Variants in ELAVL2 observed in about 807,000 individuals in gnomAD.
ELAVL2 encodes the protein ELAV-like protein 2.
In ELAVL2, 4 loss-of-function variants were observed where a neutral mutation model predicts 34.6. The ratio of observed to expected loss-of-function variants is 0.12; its 90% CI spans 0.06 to 0.26. The LOEUF is 0.26. Among genes scored for constraint, ELAVL2 ranks in the 10% least tolerant of loss-of-function variants. ELAVL2 has a pLI of 1.00. For synonymous variants in ELAVL2, 193 were observed against 154.8 expected (o/e 1.25, Z -1.83); for missense variants, 432 against 442.8 (o/e 0.98, Z 0.22).
At chr9:23,829,307 A>AT (rs2065426618), upstream of ELAVL2, among the ~76,000 whole-genome samples, 1 of 152,218 alleles carries the variant, frequency 6.6e-6, no homozygotes. Context: ...ACATTTATTC[A>AT]TAAGAATATG....
chr9:23,811,086 A>G (rs765264434), intron 1 of ELAVL2, among the ~76,000 whole-genome samples: 1 of 152,134 alleles, frequency 6.6e-6, no homozygotes, highest in African/African-American at 2.4e-5. Flanking sequence ...ACCAAAACAG[A>G]TGTCTTCACT....
chr9:23,810,880 A>G (rs1250325777), intron 1 of ELAVL2, among the ~76,000 whole-genome samples: 2 of 152,198 alleles, frequency 1.3e-5, no homozygotes, highest in Non-Finnish European at 2.9e-5. Context: ...ACCTTGTGGT[A>G]GTTCACCATC....
Position 23,692,551 on chromosome 9 carries a change from A to C in ELAVL2, c.*6T>G. 6.2e-7 allele frequency: 1 copy of C among 1,607,618 alleles called. No individual in the cohort carries two copies. The highest frequency in any genetic ancestry group is 8.5e-7 in the Non-Finnish European group (1 of 1,175,360). ...CATATATAAATGGACTGAGGACAAG[A>C]GCTCATTAGGCTTTGTGCGTTTTGT... On this transcript the variant is annotated 3_prime_UTR_variant, in exon 7 of 7. Coordinates refer to ENST00000397312, the MANE Select transcript of ELAVL2 (RefSeq NM_004432.5).
intron 2 of ELAVL2, chr9:23,735,517 G>A (rs1008539884): frequency 6.6e-6 from 1 of 152,244 alleles, no homozygotes; most frequent in East Asian, 1.9e-4. Flanking sequence ...GGCTTCAACT[G>A]ATCTGCCAAC....
intron 1 of ELAVL2, among the ~76,000 whole-genome samples, chr9:23,765,474 T>C (rs565837958): frequency 6.6e-6 from 1 of 152,088 alleles, no homozygotes; most frequent in East Asian, 1.9e-4. Context: ...TGAATGAAAT[T>C]TTATAGTGGG....
At chr9:23,710,053 T>G (rs1261013042) in intron 3 of ELAVL2, among the ~76,000 whole-genome samples, 1 of 152,128 alleles carries the variant, frequency 6.6e-6, no homozygotes, top group Non-Finnish European at 1.5e-5. Flanking sequence ...TACAGGTAAG[T>G]AAATGGCCCA....
At chr9:23,798,210 G>A (rs1185479896) in intron 1 of ELAVL2, among the ~76,000 whole-genome samples, 1 of 152,190 alleles carries the variant, frequency 6.6e-6, no homozygotes, top group African/African-American at 2.4e-5. Flanking sequence ...ATTTATCTGA[G>A]GAGACAGTTC....
intron 1 of ELAVL2, among the ~76,000 whole-genome samples, chr9:23,778,325 A>T (rs968521462): frequency 6.6e-6 from 1 of 152,230 alleles, no homozygotes. Context: ...GGGTAGATTT[A>T]GCCTGAAAAC....
intron 5 of ELAVL2, among the ~76,000 whole-genome samples, chr9:23,697,783 T>C (rs527889600): frequency 8.0e-4 from 122 of 152,204 alleles, no homozygotes; most frequent in African/African-American, 2.9e-3. Flanking sequence ...AGGGGAAATG[T>C]GAACCCGATT....
Position 23,799,445 on chromosome 9 carries a change from T to C in ELAVL2, c.-16+26361A>G, listed in dbSNP as rs2061335030. On this transcript the variant is annotated intron_variant, in intron 1 of 6. Transcript: ENST00000397312. ...GGACTAGAACCTAGATGTCCCTCCA[T>C]AAAAAACAAGATTTTGTACTCTTAC... Among the ~76,000 whole-genome samples, 4 of 152,172 alleles carry C rather than the reference T, an allele frequency of 2.6e-5. No individual in the cohort carries two copies. The South Asian group carries it at 8.3e-4, about 32-fold the overall frequency.
At chr9:23,752,857 T>A (rs2052493067) in intron 2 of ELAVL2, among the ~76,000 whole-genome samples, 1 of 152,154 alleles carries the variant, frequency 6.6e-6, no homozygotes, top group African/African-American at 2.4e-5. Context: ...CAATACAGAA[T>A]GATCACCCCT....
At chr9:23,830,953 T>C (rs201757210), upstream of ELAVL2, among the ~76,000 whole-genome samples, 10 of 152,054 alleles carry the variant, frequency 6.6e-5, no homozygotes, top group Admixed American at 2.0e-4. Flanking sequence ...CAGAGACTTA[T>C]GTCCGTTTCT....
chr9:23,717,662 C>CAA (rs1409088657), intron 3 of ELAVL2, among the ~76,000 whole-genome samples: 1 of 152,106 alleles, frequency 6.6e-6, no homozygotes, highest in African/African-American at 2.4e-5. Context: ...ACACAGAGGC[C>CAA]TCTAGACAGC....
At chr9:23,845,250 T>C in the ELAVL2 span, among the ~76,000 whole-genome samples, 1 of 151,850 alleles carries the variant, frequency 6.6e-6, no homozygotes, top group Non-Finnish European at 1.5e-5. Flanking sequence ...TATAATTACA[T>C]ATATTCATTA....
At position 23,757,370 on chromosome 9, in the gene ELAVL2, A is replaced by C. The variant is rs190812648; in HGVS notation, c.229+4636T>G. Among the ~76,000 whole-genome samples the C allele has an allele frequency of 2.6e-5, 4 of 152,180 alleles. No individual in the cohort carries two copies. In the East Asian group the frequency reaches 7.7e-4, roughly 29 times the overall value. On this transcript the variant is annotated intron_variant, in intron 2 of 6. Coordinates refer to ENST00000397312, the MANE Select transcript of ELAVL2 (RefSeq NM_004432.5). ...CAAAGAGGAAACATCCAGGTAAAGC[A>C]TAAGATAATCAGAATTCTGGTCCCT...
At chr9:23,787,791 G>T (rs1319289275) in intron 1 of ELAVL2, among the ~76,000 whole-genome samples, 2 of 152,178 alleles carry the variant, frequency 1.3e-5, no homozygotes, top group African/African-American at 4.8e-5. Flanking sequence ...AAGCAAGGAT[G>T]AGAACCACTG....
intron 2 of ELAVL2, among the ~76,000 whole-genome samples, chr9:23,747,879 C>A (rs1374915887): frequency 6.6e-6 from 1 of 151,908 alleles, no homozygotes; most frequent in Non-Finnish European, 1.5e-5. Flanking sequence ...CTGATGCCAA[C>A]AGAGAAGGCA....
rs563396962 is a variant in ELAVL2, at chr9:23,698,736, C to T, written c.713+2643G>A. On this transcript the variant is annotated intron_variant, in intron 5 of 6. Coordinates refer to ENST00000397312, the MANE Select transcript of ELAVL2 (RefSeq NM_004432.5). ...AAGCCCTTAATTCAAGTTTCTTTAT[C>T]AGGTGAAAGAAGAAGGGGGAGTGGG... Among the ~76,000 whole-genome samples, 8 of 152,246 alleles carry T rather than the reference C, an allele frequency of 5.3e-5. No individual in the cohort carries two copies. In the South Asian group the frequency reaches 1.7e-3, roughly 32 times the overall value.
intron 1 of ELAVL2, among the ~76,000 whole-genome samples, chr9:23,779,555 C>T (rs1466178314): frequency 2.6e-5 from 4 of 151,978 alleles, no homozygotes; most frequent in Admixed American, 6.6e-5. Context: ...TGTAAGGTTT[C>T]AAAATACTGC....
Sources: gnomAD v4.1 joint callset for allele counts (sites outside exome capture counted in the v4.1 genomes callset) on GRCh38, gnomAD v4.1.1 for gene constraint, MANE v1.5 for transcripts, NCBI Gene and HGNC (gene_info 2026-07-23, HGNC 2026-07-21) for gene names.